ZNF521: variants seen among roughly 807,000 people sequenced by gnomAD.
ZNF521 encodes zinc finger protein 521, also known as LYST-interacting protein 3.
Under a neutral mutation model 105.5 loss-of-function variants are expected in ZNF521, and 14 were observed. That is an observed-to-expected ratio of 0.13 (90% CI 0.09 to 0.21). ZNF521 has a LOEUF of 0.21. Ranked by LOEUF, ZNF521 falls within the 10% of genes least tolerant of loss-of-function variation. The pLI is 1.00. For missense variants in ZNF521, 1,233 were observed against 1,629.7 expected (o/e 0.76, Z 4.19); for synonymous variants, 635 against 606.0 (o/e 1.05, Z -0.70).
chr18:25,176,632 G>A (rs1320818367), intron 5 of ZNF521, among the ~76,000 whole-genome samples: 1 of 152,166 alleles, frequency 6.6e-6, no homozygotes, highest in African/African-American at 2.4e-5. Context: ...GGGGACTTGG[G>A]CCTCATTCCA....
At chr18:25,259,381 A>G (rs1397124850) in intron 3 of ZNF521, among the ~76,000 whole-genome samples, 1 of 152,162 alleles carries the variant, frequency 6.6e-6, no homozygotes, top group African/African-American at 2.4e-5. Flanking sequence ...CTTGTGAAAT[A>G]AACCTTCTTA....
intron 5 of ZNF521, among the ~76,000 whole-genome samples, chr18:25,110,745 T>C (rs754711879): frequency 6.6e-5 from 10 of 151,884 alleles, no homozygotes; most frequent in Non-Finnish European, 1.3e-4. Flanking sequence ...TTTATTTCTA[T>C]CTAAAAAATA....
At position 25,225,233 on chromosome 18, in the gene ZNF521, G is replaced by A. The variant is rs967512860; in HGVS notation, c.2685C>T (p.Tyr895=). 4 of 1,614,016 alleles carry A rather than the reference G, an allele frequency of 2.5e-6. No homozygotes were observed. The highest frequency in any genetic ancestry group is 1.6e-4 in the Middle Eastern group (1 of 6,084). Residue 895 remains tyrosine (Y), a synonymous_variant, in exon 4 of 8, where the codon TAC becomes TAT. Transcript: ENST00000361524. This position sits in a 1 kb window ranked among gnomAD's most constrained non-coding sequence, Gnocchi z 5.6. ...MYGCDICGAA[Y]TMETLLQNHQ... ...GATTCTGCAGCAAAGTTTCCATAGTGTAGGCTGCCCCACAAATGTCGCAGC... is the reference window on the plus strand; with the variant it reads ...GATTCTGCAGCAAAGTTTCCATAGTATAGGCTGCCCCACAAATGTCGCAGC...
At chr18:25,277,474 T>G (rs980606995) in intron 3 of ZNF521, among the ~76,000 whole-genome samples, 2 of 152,160 alleles carry the variant, frequency 1.3e-5, no homozygotes, top group African/African-American at 2.4e-5. Flanking sequence ...TAAAGATCAG[T>G]AGCGGAGTGA....
chr18:25,094,908 T>G (rs1035077651), intron 5 of ZNF521, among the ~76,000 whole-genome samples: 29 of 152,206 alleles, frequency 1.9e-4, no homozygotes, highest in Non-Finnish European at 2.9e-5. Context: ...TTTTGTATTT[T>G]TTTTTAATTG....
At chr18:25,329,668 T>C (rs1005648988) in intron 2 of ZNF521, among the ~76,000 whole-genome samples, 6 of 152,172 alleles carry the variant, frequency 3.9e-5, no homozygotes, top group African/African-American at 1.4e-4. Flanking sequence ...GAAAAGCGGC[T>C]AGAGCACGAA....
chr18:25,174,910 T>C (rs1382926689), intron 5 of ZNF521, among the ~76,000 whole-genome samples: 1 of 152,212 alleles, frequency 6.6e-6, no homozygotes, highest in African/African-American at 2.4e-5. Context: ...TAAATTTCAA[T>C]AAAATGTTAA....
At chr18:25,068,029 C>G (rs77871020) in intron 7 of ZNF521, among the ~76,000 whole-genome samples, 142 of 152,094 alleles carry the variant, frequency 9.3e-4, no homozygotes, top group Non-Finnish European at 1.6e-3. Context: ...AGCCAGCACG[C>G]TATTTTAAAA....
chr18:25,281,730 T>G (rs1363991564), intron 3 of ZNF521, among the ~76,000 whole-genome samples: 3 of 152,184 alleles, frequency 2.0e-5, no homozygotes, highest in African/African-American at 7.2e-5. Context: ...GAAATTGCGC[T>G]CAGGCAATGT....
At chr18:25,323,923 TA>T (rs574157590) in intron 2 of ZNF521, among the ~76,000 whole-genome samples, 166 of 143,300 alleles carry the variant, frequency 1.2e-3, no homozygotes, top group East Asian at 2.2e-3. Context: ...CTTGGGTTCT[TA>T]AAAAAAAAAA....
At chr18:25,327,030 T>A (rs563560004) in intron 2 of ZNF521, among the ~76,000 whole-genome samples, 3 of 152,064 alleles carry the variant, frequency 2.0e-5, no homozygotes, top group Non-Finnish European at 4.4e-5. Context: ...AAAACAAGTC[T>A]TAGCTTCACT....
In ZNF521 at chr18:25,075,229, TG is replaced by T. The variant is rs373763245; in HGVS notation, c.3907-12489del. On this transcript the variant is annotated intron_variant, in intron 7 of 7. Coordinates refer to ENST00000361524, the MANE Select transcript of ZNF521 (RefSeq NM_015461.3). ...TATTCTAATTTAAAGCCCTCATGCT[TG>T]CTTCAGTGTTGCAAAATTTATAAAA... Among the ~76,000 whole-genome samples, 574 of 152,320 alleles carry T rather than the reference TG, an allele frequency of 3.8e-3. 5 individuals are homozygous for T. The highest frequency in any genetic ancestry group is 0.013 in the African/African-American group (546 of 41,568).
intron 3 of ZNF521, among the ~76,000 whole-genome samples, chr18:25,312,104 A>G (rs1443831667): frequency 6.6e-6 from 1 of 152,206 alleles, no homozygotes; most frequent in East Asian, 1.9e-4. Context: ...AAAAGTAAAA[A>G]TGCCTAATAA....
intron 5 of ZNF521, 96 bp downstream of exon 5, chr18:25,195,063 AT>A: frequency 1.0e-6 from 1 of 968,462 alleles, no homozygotes; most frequent in Non-Finnish European, 1.5e-6. Flanking sequence ...AAAAACAATG[AT>A]GGTTGAACAA....
chr18:25,330,825 TC>T (rs1312980966), intron 2 of ZNF521, among the ~76,000 whole-genome samples: 1 of 152,058 alleles, frequency 6.6e-6, no homozygotes, highest in African/African-American at 2.4e-5. Context: ...CACAGCCTTC[TC>T]CTAAAAGAAA....
intron 3 of ZNF521, among the ~76,000 whole-genome samples, chr18:25,270,472 A>C (rs909226368): frequency 2.0e-5 from 3 of 152,188 alleles, no homozygotes; most frequent in Non-Finnish European, 4.4e-5. Flanking sequence ...AGACACAACA[A>C]AAAAAGAAAA....
chr18:25,157,728 T>A (rs2035173291), intron 5 of ZNF521, among the ~76,000 whole-genome samples: 1 of 152,058 alleles, frequency 6.6e-6, no homozygotes, highest in South Asian at 2.1e-4. Context: ...CTATTACCTG[T>A]GTGGCCTTGG....
At chr18:25,214,221 T>A (rs894911501) in intron 4 of ZNF521, among the ~76,000 whole-genome samples, 2 of 152,132 alleles carry the variant, frequency 1.3e-5, no homozygotes, top group African/African-American at 2.4e-5. Context: ...TTGCTCCTCA[T>A]TCTCTCAAAA....
chr18:25,183,762 T>C (rs1243421288), intron 5 of ZNF521, among the ~76,000 whole-genome samples: 1 of 152,148 alleles, frequency 6.6e-6, no homozygotes, highest in Non-Finnish European at 1.5e-5. Context: ...AGCCCATTCA[T>C]CAGCAGAACA....
Sources: gnomAD v4.1 joint callset for allele counts (sites outside exome capture counted in the v4.1 genomes callset) on GRCh38, gnomAD v4.1.1 for gene constraint, Gnocchi (gnomAD v3.1) non-coding constraint, MANE v1.5 for transcripts, NCBI Gene and HGNC (gene_info 2026-07-23, HGNC 2026-07-21) for gene names.